The following ADRA1B variants were observed in gnomAD, a reference collection of about 807,000 sequenced individuals.
ADRA1B encodes the protein alpha-1B adrenergic receptor.
Under a neutral mutation model 17.9 loss-of-function variants are expected in ADRA1B, and 17 were observed. The observed-to-expected ratio is 0.95, with a 90% CI of 0.65 to 1.42. The LOEUF (loss-of-function observed/expected upper bound fraction) is 1.42, where lower values mean the gene tolerates loss of function less well. Among genes scored for constraint, ADRA1B ranks in the 40% most tolerant of loss-of-function variants. The pLI is 0.00. For synonymous variants in ADRA1B, 366 were observed against 327.6 expected, an observed-to-expected ratio of 1.12 and a Z score of -1.27; for missense variants, 681 against 722.1, an observed-to-expected ratio of 0.94 and a Z score of 0.65.
intron 1 of ADRA1B, among the ~76,000 whole-genome samples, chr5:159,957,525 A>T (rs970191237): frequency 4.7e-5 from 7 of 149,768 alleles, no homozygotes; most frequent in Non-Finnish European, 1.0e-4. Context: ...AAAAAAAAAA[A>T]TTATATTTTT....
intron 1 of ADRA1B, among the ~76,000 whole-genome samples, chr5:159,904,346 C>T (rs1246967889): frequency 1.3e-5 from 2 of 152,196 alleles, no homozygotes; most frequent in African/African-American, 4.8e-5. Flanking sequence ...CTAAATGCCT[C>T]TCTCCTATGA....
intron 1 of ADRA1B, among the ~76,000 whole-genome samples, chr5:159,902,333 G>A (rs1352387437): frequency 2.0e-5 from 3 of 152,188 alleles, no homozygotes; most frequent in Non-Finnish European, 4.4e-5. Flanking sequence ...GAGGCGGAAT[G>A]GGGAGTTGTT....
At chr5:159,892,278 G>A (rs535760275) in intron 1 of ADRA1B, among the ~76,000 whole-genome samples, 1 of 152,300 alleles carries the variant, frequency 6.6e-6, no homozygotes, top group African/African-American at 2.4e-5. Context: ...CTTGGTTTGT[G>A]CCAGTCACTG....
chr5:159,984,904 C>CAA, the ADRA1B span, among the ~76,000 whole-genome samples: 109 of 136,792 alleles, frequency 8.0e-4, no homozygotes, highest in African/African-American at 2.5e-3. Context: ...AACTCTATCT[C>CAA]AAAAAAAAAA....
the ADRA1B span, among the ~76,000 whole-genome samples, chr5:159,980,216 G>A: frequency 6.6e-6 from 1 of 152,036 alleles, no homozygotes; most frequent in Non-Finnish European, 1.5e-5. Flanking sequence ...CTGGATCGGT[G>A]GTCACAGAAC....
At chr5:159,953,589 T>C (rs953833838) in intron 1 of ADRA1B, among the ~76,000 whole-genome samples, 2 of 152,208 alleles carry the variant, frequency 1.3e-5, no homozygotes, top group Non-Finnish European at 2.9e-5. Context: ...AATTGAAGCC[T>C]GTCTCTACCA....
At position 159,937,380 on chromosome 5, in the gene ADRA1B, G is replaced by C. The variant is rs116449354; in HGVS notation, c.949+19526G>C. Among the ~76,000 whole-genome samples the C allele has an allele frequency of 3.0e-3, 452 of 152,208 alleles. 3 individuals are homozygous for C. Among genetic ancestry groups the C allele is most frequent in the African/African-American group, 0.01 (427 of 41,544 alleles). On this transcript the variant is annotated intron_variant, in intron 1 of 1. Transcript: ENST00000306675. The stretch of plus-strand genomic sequence containing the variant: ...CCCAGGGTCATACCTGCACAAAAAG[G>C]CTGGAACCAGGATATGTGAATCTCA...
intron 1 of ADRA1B, among the ~76,000 whole-genome samples, chr5:159,963,406 A>G (rs567871400): frequency 6.6e-6 from 1 of 151,774 alleles, no homozygotes; most frequent in African/African-American, 2.4e-5. Flanking sequence ...TTCTAACTCT[A>G]TTACCTACTA....
At chr5:159,930,487 G>C (rs1036372651) in intron 1 of ADRA1B, among the ~76,000 whole-genome samples, 7 of 152,218 alleles carry the variant, frequency 4.6e-5, no homozygotes, top group African/African-American at 1.7e-4. Flanking sequence ...AAATTAGCCA[G>C]AGAATCGCTT....
intron 1 of ADRA1B, among the ~76,000 whole-genome samples, chr5:159,899,664 C>T (rs1754080610): frequency 6.6e-6 from 1 of 152,160 alleles, no homozygotes; most frequent in African/African-American, 2.4e-5. Flanking sequence ...ACCTGCACAA[C>T]GGCACCCGGC....
At chr5:159,983,873 T>G in the ADRA1B span, among the ~76,000 whole-genome samples, 1 of 152,036 alleles carries the variant, frequency 6.6e-6, no homozygotes, top group Non-Finnish European at 1.5e-5. Flanking sequence ...TCCACGTTTA[T>G]ACTCCCTGAC....
Position 159,951,875 on chromosome 5 carries a change from G to A in ADRA1B, c.950-20004G>A, listed in dbSNP as rs958444046. Reference sequence around the variant, plus strand: ...CTCTTTGCTCTGTCCTCTCACTTTTGTTGCTGGCATTGCTCGTCCACAGAT... The same window carrying A: ...CTCTTTGCTCTGTCCTCTCACTTTTATTGCTGGCATTGCTCGTCCACAGAT... On this transcript the variant is annotated intron_variant, in intron 1 of 1. Coordinates refer to ENST00000306675, the MANE Select transcript of ADRA1B (RefSeq NM_000679.4). Among the ~76,000 whole-genome samples, 6 of 152,094 alleles carry A rather than the reference G, an allele frequency of 3.9e-5. No individual in the cohort carries two copies. In the East Asian group the frequency reaches 1.2e-3, roughly 29 times the overall value.
intron 1 of ADRA1B, chr5:159,928,903 G>A (rs925395079): frequency 5.3e-5 from 8 of 152,156 alleles, no homozygotes; most frequent in African/African-American, 1.9e-4. Context: ...TTGCATCTCC[G>A]ATTCATATAT....
intron 1 of ADRA1B, among the ~76,000 whole-genome samples, chr5:159,968,405 AT>A (rs1394286215): frequency 6.6e-6 from 1 of 152,198 alleles, no homozygotes; most frequent in Non-Finnish European, 1.5e-5. Context: ...TTGCATCCCC[AT>A]TAATCCATTT....
At chr5:159,950,991 C>A (rs1270686784) in intron 1 of ADRA1B, 4 of 637,756 alleles carry the variant, frequency 6.3e-6, no homozygotes, top group Non-Finnish European at 1.2e-5. Flanking sequence ...AATCTTTCCA[C>A]AATACCAAAG....
intron 1 of ADRA1B, among the ~76,000 whole-genome samples, chr5:159,959,136 C>A (rs1227457730): frequency 6.6e-6 from 1 of 152,202 alleles, no homozygotes; most frequent in Non-Finnish European, 1.5e-5. Context: ...AAGAGGCACA[C>A]CCCCTAACAA....
chr5:159,956,138 G>A (rs1375972618), intron 1 of ADRA1B, among the ~76,000 whole-genome samples: 3 of 152,186 alleles, frequency 2.0e-5, no homozygotes, highest in African/African-American at 7.2e-5. Flanking sequence ...CTACTCAGAA[G>A]ACTGAGGCAG....
the ADRA1B span, among the ~76,000 whole-genome samples, chr5:159,981,194 C>T: frequency 2.0e-5 from 3 of 152,228 alleles, no homozygotes; most frequent in East Asian, 1.9e-4. Flanking sequence ...TTCTGAATCC[C>T]GGCACTATTG....
At chr5:159,909,482 G>A (rs1349748926) in intron 1 of ADRA1B, among the ~76,000 whole-genome samples, 1 of 152,196 alleles carries the variant, frequency 6.6e-6, no homozygotes, top group Non-Finnish European at 1.5e-5. Context: ...CCCCAAAAGG[G>A]TTGGATGGTT....
Sources: gnomAD v4.1 joint callset for allele counts (sites outside exome capture counted in the v4.1 genomes callset) on GRCh38, gnomAD v4.1.1 for gene constraint, MANE v1.5 for transcripts, NCBI Gene and HGNC (gene_info 2026-07-23, HGNC 2026-07-21) for gene names.